The following OTOG variants were observed in gnomAD, a reference collection of about 807,000 sequenced individuals.
OTOG encodes otogelin.
Under a neutral mutation model 313.8 loss-of-function variants are expected in OTOG, and 296 were observed. That is an observed-to-expected ratio of 0.94 (90% CI 0.86 to 1.04). The LOEUF is 1.04. Ranked by LOEUF, OTOG falls within the 50% of genes least tolerant of loss-of-function variation. The pLI, the probability that OTOG is intolerant of heterozygous loss-of-function variation, is 0.00. For missense variants in OTOG, 3,948 were observed against 3,840.1 expected (o/e 1.03, Z -0.74); for synonymous variants, 1,533 against 1,554.9 (o/e 0.99, Z 0.33).
chr11:17,547,509 T>C, intron 1 of OTOG, 43 bp downstream of exon 1: 1 of 1,314,870 alleles, frequency 7.6e-7, no homozygotes, highest in Non-Finnish European at 9.7e-7. Context: ...GCTCGAGGAA[T>C]GAGAAACGTT....
At chr11:17,567,599 C>T (rs1023544) in intron 15 of OTOG, among the ~76,000 whole-genome samples, 2 of 152,174 alleles carry the variant, frequency 1.3e-5, no homozygotes, top group Non-Finnish European at 2.9e-5. Context: ...CCTGCCTCAG[C>T]TGCCAAAGGA....
intron 32 of OTOG, among the ~76,000 whole-genome samples, chr11:17,604,216 C>T (rs977014678): frequency 5.9e-5 from 9 of 152,182 alleles, no homozygotes; most frequent in African/African-American, 1.9e-4. Flanking sequence ...CGAAGTCACT[C>T]GAATATTTAC....
intron 30 of OTOG, among the ~76,000 whole-genome samples, chr11:17,597,350 G>A (rs537208345): frequency 1.4e-4 from 21 of 152,250 alleles, no homozygotes; most frequent in African/African-American, 4.1e-4. Flanking sequence ...GCTACCACTC[G>A]CAAGCTATGT....
rs1355042446 is a variant in OTOG, at chr11:17,555,819, G to C, written c.581G>C (p.Cys194Ser). ...DPQCGSSPYT[C>S]SRAVSLFFVG... ...CAGTGTGGCTCTTCACCCTACACCTGCTCCAGGGCTGTCAGCCTCTTCTTT... is the reference window on the plus strand; with the variant it reads ...CAGTGTGGCTCTTCACCCTACACCTCCTCCAGGGCTGTCAGCCTCTTCTTT... The change falls in exon 7 of 56, where the codon TGC (cysteine) becomes TCC (serine). Residue 194 changes from cysteine to serine, a missense_variant. Transcript: ENST00000399397. 1 of 1,550,786 alleles carries C rather than the reference G, an allele frequency of 6.4e-7. No homozygotes were observed. Among genetic ancestry groups the C allele is most frequent in the Non-Finnish European group, 8.7e-7 (1 of 1,147,044 alleles).
chr11:17,619,360 T>C (rs989461329), intron 39 of OTOG, among the ~76,000 whole-genome samples: 2 of 152,232 alleles, frequency 1.3e-5, no homozygotes, highest in African/African-American at 4.8e-5. Context: ...TGACAATCTC[T>C]TCCTTTTAAT....
rs776580695 is a variant in OTOG at position 17,570,235 on chromosome 11, G to T, written c.1800G>T (p.Leu600=). ...YTDDAFEIRR[L]SSVFLRVRTN... is the part of the protein sequence containing the mutation. ...CAGATGCCTTTGAGATCCGTAGGCTGTCCTCCGTGTTCCTGCGGGTGAGGA... is the reference window on the plus strand; with the variant it reads ...CAGATGCCTTTGAGATCCGTAGGCTTTCCTCCGTGTTCCTGCGGGTGAGGA... The change falls in exon 17 of 56, where the codon CTG becomes CTT. Residue 600 remains leucine (L), a synonymous_variant. Transcript: ENST00000399397. The T allele has an allele frequency of 1.3e-6, 2 of 1,550,734 alleles. No individual in the cohort carries two copies. Among genetic ancestry groups the T allele is most frequent in the African/African-American group, 2.7e-5 (2 of 73,032 alleles).
chr11:17,555,683 C>G (rs921872630), intron 6 of OTOG, 96 bp from the exon 7 acceptor site: 1 of 935,992 alleles, frequency 1.1e-6, no homozygotes, highest in Admixed American at 2.1e-5. Context: ...ATGCAGGGGA[C>G]AGCCATCGGC....
chr11:17,559,496 G>T (rs376415127), intron 11 of OTOG, 38 bp from the exon 12 acceptor site: 1 of 1,550,130 alleles, frequency 6.5e-7, no homozygotes, highest in East Asian at 2.4e-5. Context: ...CAGAGCTGGG[G>T]CCAGTAGCTG....
intron 23 of OTOG, among the ~76,000 whole-genome samples, chr11:17,580,645 C>T (rs1473594861): frequency 6.6e-6 from 1 of 152,200 alleles, no homozygotes; most frequent in African/African-American, 2.4e-5. Context: ...CAAGAAGTGG[C>T]TGGAGACAAG....
intron 39 of OTOG, among the ~76,000 whole-genome samples, chr11:17,625,767 C>T (rs920044149): frequency 2.0e-5 from 3 of 151,224 alleles, no homozygotes; most frequent in Non-Finnish European, 3.0e-5. Context: ...TTCACTTTGT[C>T]GATTGTTTCC....
At chr11:17,564,712 GACTA>G (rs1292531778) in intron 15 of OTOG, among the ~76,000 whole-genome samples, 2 of 152,174 alleles carry the variant, frequency 1.3e-5, no homozygotes, top group Non-Finnish European at 2.9e-5. Flanking sequence ...CTTGAACTTT[GACTA>G]ACTACTTTGC....
At chr11:17,588,198 T>G (rs1460862076) in intron 24 of OTOG, among the ~76,000 whole-genome samples, 3 of 152,232 alleles carry the variant, frequency 2.0e-5, no homozygotes, top group African/African-American at 4.8e-5. Context: ...AAGTTTTTAC[T>G]TTTTAACTCA....
At chr11:17,641,201 C>T (rs1014895326) in intron 51 of OTOG, 110 bp downstream of exon 51, 2 of 1,233,098 alleles carry the variant, frequency 1.6e-6, no homozygotes, top group East Asian at 5.1e-5. Context: ...ACCCCCAGGA[C>T]AAGTCAGAGG....
In OTOG at chr11:17,645,801, A is replaced by G; in HGVS notation, c.8599A>G (p.Ile2867Val). The G allele has an allele frequency of 1.3e-6, 2 of 1,551,044 alleles. No homozygotes were observed. The highest frequency in any genetic ancestry group is 1.7e-6 in the Non-Finnish European group (2 of 1,147,088). Residue 2867 changes from isoleucine to valine, a missense_variant, in exon 56 of 56, where the codon ATC becomes GTC. Physicochemically the swap from Ile to Val is conservative, Grantham distance 29. Transcript: ENST00000399397. ...ATCCGCCAGCATCTACAACTACAACATCAACACCTATGCCCGATTCTGCAA... is the reference window on the plus strand; with the variant it reads ...ATCCGCCAGCATCTACAACTACAACGTCAACACCTATGCCCGATTCTGCAA... ...CPSASIYNYNINTYARFCKCC... is the reference protein window; with the variant it reads ...CPSASIYNYNVNTYARFCKCC...
rs762229143 is a variant in OTOG, at chr11:17,573,194, G to A, written c.2197G>A (p.Gly733Arg). ...EQCRRDACRC[G>R]QPCLCATLAH... ...GTGCCGCAGGGATGCCTGCCGCTGC[G>A]GGCAGCCCTGCCTGTGCGCCACACT... The change falls in exon 19 of 56, where the codon GGG becomes AGG. Residue 733 changes from glycine to arginine, a missense_variant. Physicochemically the swap from Gly to Arg is moderately radical, Grantham distance 125 (BLOSUM62 -2). Transcript: ENST00000399397. 1.9e-5 allele frequency: 30 copies of A among 1,539,388 alleles called. No homozygotes were observed. The highest frequency in any genetic ancestry group is 5.5e-5 in the African/African-American group (4 of 73,160).
At chr11:17,547,654 G>A (rs373895601) in intron 1 of OTOG, 188 bp downstream of exon 1, 25 of 1,110,764 alleles carry the variant, frequency 2.3e-5, no homozygotes, top group Non-Finnish European at 2.8e-5. Flanking sequence ...GCCTATGACC[G>A]CGGGGGAAAG....
At position 17,574,767 on chromosome 11, in the gene OTOG, T is replaced by C. The variant is rs1480497276; in HGVS notation, c.2341T>C (p.Cys781Arg). 1 of 1,550,608 alleles carries C rather than the reference T, an allele frequency of 6.4e-7. No homozygotes were observed. The highest frequency in any genetic ancestry group is 8.7e-7 in the Non-Finnish European group (1 of 1,146,966). The change falls in exon 20 of 56, where the codon TGT becomes CGT. Residue 781 changes from cysteine to arginine, a missense_variant. By Grantham distance (180) the Cys-to-Arg change is radical. Transcript: ENST00000399397. The stretch of plus-strand genomic sequence containing the variant: ...GGAGTATAGCCCCTGCGTGGCCCCG[T>C]GTGGACGTACCTGCCAGGACCTGGC... Reference protein sequence around the residue: ...SKEYSPCVAPCGRTCQDLASP... With the variant: ...SKEYSPCVAPRGRTCQDLASP...
rs769988430 is a variant in OTOG at position 17,578,379 on chromosome 11, C to T, written c.2612C>T (p.Ala871Val). Residue 871 changes from alanine (A) to valine (V), a missense_variant, in exon 23 of 56, where the codon GCC (alanine) becomes GTC (valine). Coordinates refer to ENST00000399397, the MANE Select transcript of OTOG (RefSeq NM_001292063.2). Reference sequence around the variant, plus strand: ...CCATCTTCTTCTCTTCCAGCTGCTGCCTGCCCAGCAGGCCAGGTCTTCGTG... The same window carrying T: ...CCATCTTCTTCTCTTCCAGCTGCTGTCTGCCCAGCAGGCCAGGTCTTCGTG... ...MSCDSRAPAA[A>V]CPAGQVFVNC... 2.2e-5 allele frequency: 33 copies of T among 1,511,598 alleles called. No homozygotes were observed. Among genetic ancestry groups the T allele is most frequent in the Non-Finnish European group, 2.8e-5 (32 of 1,130,154 alleles). The allele number at this position is 1,511,598 out of a possible 1,614,324, so 93.6% of individuals were successfully genotyped here.
At chr11:17,549,476 A>G (rs544272331) in intron 3 of OTOG, among the ~76,000 whole-genome samples, 85 of 152,326 alleles carry the variant, frequency 5.6e-4, no homozygotes, top group African/African-American at 1.9e-3. Flanking sequence ...TCCAGGCCCT[A>G]AGATTTAGAA....
Sources: gnomAD v4.1 joint callset for allele counts (sites outside exome capture counted in the v4.1 genomes callset) on GRCh38, gnomAD v4.1.1 for gene constraint, MANE v1.5 for transcripts, NCBI Gene and HGNC (gene_info 2026-07-23, HGNC 2026-07-21) for gene names.